The following ANKRD13B variants were observed in gnomAD, a reference collection of about 807,000 sequenced individuals.
ANKRD13B encodes ankyrin repeat domain 13B, also known as ankyrin repeat domain-containing protein 13B.
In ANKRD13B, 33 loss-of-function variants were observed where a neutral mutation model predicts 74.4. The observed-to-expected ratio is 0.44, with a 90% confidence interval of 0.34 to 0.59. The LOEUF is 0.59. Ranked by LOEUF, ANKRD13B falls within the 20% of genes least tolerant of loss-of-function variation. The probability of loss-of-function intolerance (pLI) is 0.02; values close to 1 mark genes in which losing one functional copy is unlikely to be tolerated. For synonymous variants in ANKRD13B, 341 were observed against 362.9 expected, an observed-to-expected ratio of 0.94 and a Z score of 0.68; for missense variants, 676 against 877.9, an observed-to-expected ratio of 0.77 and a Z score of 2.91.
chr17:29,608,744 C>T lies in ANKRD13B; in HGVS notation c.422-107C>T, dbSNP rs2034476631. The T allele has an allele frequency of 1.4e-6, 2 of 1,449,274 alleles. No homozygotes were observed. The highest frequency in any genetic ancestry group is 2.8e-5 in the African/African-American group (2 of 70,778). The allele number at this position is 1,449,274 out of a possible 1,614,324, so 89.8% of individuals were successfully genotyped here. A position where few individuals can be genotyped will look rare whatever the true frequency, so the allele number is the denominator to read the frequency against. ...AGGAGAGGCTGCTCTCTCTTCAGTT[C>T]CCTCCCCTGTTCCTGGCCACACGGA... On this transcript the variant is annotated intron_variant, in intron 4 of 14. Coordinates refer to ENST00000394859, the MANE Select transcript of ANKRD13B (RefSeq NM_152345.5). This position sits in a 1 kb window ranked among gnomAD's most constrained non-coding sequence, Gnocchi z 6.4.
At chr17:29,613,064 T>G in intron 14 of ANKRD13B, 101 bp downstream of exon 14, 1 of 1,449,598 alleles carries the variant, frequency 6.9e-7, no homozygotes, top group Non-Finnish European at 9.3e-7. Flanking sequence ...GCAGGGACCC[T>G]CCTGGTATCG....
chr17:29,596,107 C>T (rs113644003), intron 1 of ANKRD13B, among the ~76,000 whole-genome samples: 6 of 152,376 alleles, frequency 3.9e-5, no homozygotes, highest in African/African-American at 1.2e-4. Flanking sequence ...AGCCAGGTTT[C>T]CCTGGTCTTG....
intron 7 of ANKRD13B, 123 bp from the exon 8 acceptor site, chr17:29,610,562 C>T: frequency 1.5e-6 from 1 of 674,092 alleles, no homozygotes; most frequent in Non-Finnish European, 2.4e-6. Flanking sequence ...TTCACTTACC[C>T]AAAAGCCTGA....
Position 29,613,523 on chromosome 17 carries a change from G to A in ANKRD13B, c.1822G>A (p.Ala608Thr), listed in dbSNP as rs2034687922. 6.6e-7 allele frequency: 1 copy of A among 1,525,180 alleles called. No individual in the cohort carries two copies. Among genetic ancestry groups the A allele is most frequent in the African/African-American group, 1.4e-5 (1 of 70,454 alleles). The allele number at this position is 1,525,180 out of a possible 1,614,324, so 94.5% of individuals were successfully genotyped here. The change falls in exon 15 of 15, where the codon GCG (alanine) becomes ACG (threonine). Residue 608 changes from alanine (A) to threonine (T), a missense_variant. Around this residue, in one of 4 missense-constraint regions of ANKRD13B, gnomAD observed 108 missense variants for 90.3 expected, o/e 1.20. Coordinates refer to ENST00000394859, the MANE Select transcript of ANKRD13B (RefSeq NM_152345.5). ...GGAGCAGGAGGAGAGGCGGCGGCGC[G>A]CGCGCCAGGAGGAGGAGGAGCTGGA... ...AQEQEERRRR[A>T]RQEEEELERI...
chr17:29,598,440 T>C (rs2034036314), intron 1 of ANKRD13B, among the ~76,000 whole-genome samples: 1 of 151,982 alleles, frequency 6.6e-6, no homozygotes, highest in Admixed American at 6.5e-5. Flanking sequence ...CTTTTGTCAT[T>C]TACCTCCCTA....
intron 14 of ANKRD13B, 48 bp downstream of exon 14, chr17:29,613,011 T>TCC: frequency 6.4e-7 from 1 of 1,570,086 alleles, no homozygotes; most frequent in Middle Eastern, 1.7e-4. Context: ...GGATCCTGTC[T>TCC]CCCCTAAGCC....
At position 29,612,326 on chromosome 17, in the gene ANKRD13B, A is replaced by C. The variant is rs1267536364; in HGVS notation, c.1258+53A>C. The C allele has an allele frequency of 6.2e-6, 10 of 1,612,116 alleles. No homozygotes were observed. The highest frequency in any genetic ancestry group is 4.2e-6 in the Non-Finnish European group (5 of 1,178,682). ...GCCCGTGGCGGGCCGACCGGGGTTTAGATGAGGTCGGGGTGGGGCTGAGGC... is the reference window on the plus strand; with the variant it reads ...GCCCGTGGCGGGCCGACCGGGGTTTCGATGAGGTCGGGGTGGGGCTGAGGC... On this transcript the variant is annotated intron_variant, in intron 11 of 14. Coordinates refer to ENST00000394859, the MANE Select transcript of ANKRD13B (RefSeq NM_152345.5). This position sits in a 1 kb window ranked among gnomAD's most constrained non-coding sequence, Gnocchi z 6.1.
chr17:29,613,900 T>A lies in ANKRD13B; in HGVS notation c.*318T>A. The A allele has an allele frequency of 2.8e-6, 1 of 353,286 alleles. No individual in the cohort carries two copies. Among genetic ancestry groups the A allele is most frequent in the Non-Finnish European group, 5.1e-6 (1 of 195,154 alleles). The allele number at this position is 353,286 out of a possible 1,614,324, so 21.9% of individuals were successfully genotyped here. A position where few individuals can be genotyped will look rare whatever the true frequency, so the allele number is the denominator to read the frequency against. On this transcript the variant is annotated 3_prime_UTR_variant, in exon 15 of 15. Coordinates refer to ENST00000394859, the MANE Select transcript of ANKRD13B (RefSeq NM_152345.5). The stretch of plus-strand genomic sequence containing the variant: ...CAGGCGGTCCTGAGGGGGAGATGAA[T>A]CCTTAGAGGAGCGCTGTCCCTATCC...
rs1357315871 is a variant in ANKRD13B at position 29,612,755 on chromosome 17, C to G, written c.1515C>G (p.Asp505Glu). 2.5e-6 allele frequency: 4 copies of G among 1,602,696 alleles called. No individual in the cohort carries two copies. The highest frequency in any genetic ancestry group is 1.3e-5 in the African/African-American group (1 of 75,004). The part of the protein sequence containing the change: ...QREAATRDDD[D>E]DLLQFAIQQS... ...AGGCGGCGACCCGGGACGACGACGA[C>G]GACCTGCTGCAATTCGCCATCCAGC... Residue 505 changes from aspartate (D) to glutamate (E), a missense_variant, in exon 13 of 15, where the codon GAC becomes GAG. Transcript: ENST00000394859. This position sits in a 1 kb window ranked among gnomAD's most constrained non-coding sequence, Gnocchi z 6.1.
chr17:29,612,616 G>A lies in ANKRD13B; in HGVS notation c.1412-36G>A. On this transcript the variant is annotated intron_variant, in intron 12 of 14. Coordinates refer to ENST00000394859, the MANE Select transcript of ANKRD13B (RefSeq NM_152345.5). This position sits in a 1 kb window ranked among gnomAD's most constrained non-coding sequence, Gnocchi z 6.1. ...TCCCCGGGGTGGGTGGGAGGGGCGC[G>A]CCCGGCCGTGCCTGACCCAGCCCCC... The A allele has an allele frequency of 1.3e-6, 2 of 1,515,802 alleles. No individual in the cohort carries two copies. The highest frequency in any genetic ancestry group is 1.8e-6 in the Non-Finnish European group (2 of 1,134,538). The allele number at this position is 1,515,802 out of a possible 1,614,324, so 93.9% of individuals were successfully genotyped here. A position where few individuals can be genotyped will look rare whatever the true frequency, so the allele number is the denominator to read the frequency against.
At chr17:29,593,798 A>AG in intron 1 of ANKRD13B, 63 bp downstream of exon 1, 1 of 1,021,630 alleles carries the variant, frequency 9.8e-7, no homozygotes, top group Non-Finnish European at 1.3e-6. Context: ...CGGCCTGGGG[A>AG]GGGGGTGCGG....
rs943157876 is a variant in ANKRD13B, at chr17:29,613,802, C to T, written c.*220C>T. ...TGGAGGCAACTGGCACGGCCTGGTC[C>T]CCCTGCTTTGCTGTATTCTGATTCC... On this transcript the variant is annotated 3_prime_UTR_variant, in exon 15 of 15. Transcript: ENST00000394859. 11 of 665,618 alleles carry T rather than the reference C, an allele frequency of 1.7e-5. No individual in the cohort carries two copies. In the African/African-American group the frequency reaches 1.9e-4, roughly 12 times the overall value. 41.2% of individuals were successfully genotyped at this position (665,618 alleles called of 1,614,324 possible). A position where few individuals can be genotyped will look rare whatever the true frequency, so the allele number is the denominator to read the frequency against.
chr17:29,608,186 G>A lies in ANKRD13B; in HGVS notation c.376-9G>A, dbSNP rs191886582. Reference sequence around the variant, plus strand: ...TGCAGACTTAGCCTCTCTCCCCTTCGTCCTCCAGGCCCAGGACTTCTACGT... The same window carrying A: ...TGCAGACTTAGCCTCTCTCCCCTTCATCCTCCAGGCCCAGGACTTCTACGT... On this transcript the variant is annotated splice_polypyrimidine_tract_variant and intron_variant, in intron 3 of 14. Transcript: ENST00000394859. This position sits in a 1 kb window ranked among gnomAD's most constrained non-coding sequence, Gnocchi z 6.4. 2.1e-4 allele frequency: 342 copies of A among 1,614,124 alleles called. No homozygotes were observed. Among genetic ancestry groups the A allele is most frequent in the Admixed American group, 1.4e-3 (82 of 60,018 alleles).
rs991631564 is a variant in ANKRD13B, at chr17:29,613,698, C to T, written c.*116C>T. 1.5e-6 allele frequency: 2 copies of T among 1,357,930 alleles called. No homozygotes were observed. Among genetic ancestry groups the T allele is most frequent in the African/African-American group, 3.1e-5 (2 of 64,826 alleles). The allele number at this position is 1,357,930 out of a possible 1,614,324, so 84.1% of individuals were successfully genotyped here. On this transcript the variant is annotated 3_prime_UTR_variant, in exon 15 of 15. Transcript: ENST00000394859. ...CGGCTGGAGACTGGAGCCACCGCCT[C>T]GCGGGTGCAGCAGCACAGCAGGCAC...
rs777891112 is a variant in ANKRD13B, at chr17:29,609,430, G to T, written c.822+9G>T. On this transcript the variant is annotated intron_variant, in intron 7 of 14. Transcript: ENST00000394859. The surrounding 1 kb of genome is among the most constrained non-coding windows in gnomAD (Gnocchi z 4.0). ...ATGGGTATGAAGCTAAGGTGAGGCT[G>T]CAGCTCCCAGCTGCCAGCCCAGCTG... 6.2e-7 allele frequency: 1 copy of T among 1,612,856 alleles called. No individual in the cohort carries two copies. The highest frequency in any genetic ancestry group is 1.7e-5 in the Admixed American group (1 of 60,010).
intron 1 of ANKRD13B, among the ~76,000 whole-genome samples, chr17:29,600,285 T>C (rs1692233087): frequency 6.6e-6 from 1 of 151,924 alleles, no homozygotes; most frequent in Non-Finnish European, 1.5e-5. Flanking sequence ...GCTGGGGAGC[T>C]CAGGGATGTG....
intron 1 of ANKRD13B, among the ~76,000 whole-genome samples, chr17:29,600,583 G>A (rs1010016821): frequency 6.6e-6 from 1 of 152,202 alleles, no homozygotes; most frequent in Admixed American, 6.5e-5. Flanking sequence ...GTCCTGTGGT[G>A]AGGAAGGGGG....
intron 7 of ANKRD13B, among the ~76,000 whole-genome samples, chr17:29,610,417 A>C (rs140421720): frequency 1.3e-3 from 198 of 152,300 alleles, no homozygotes; most frequent in African/African-American, 4.6e-3. Context: ...TGTAAGTCTC[A>C]GGAGGGCAGG....
rs1432155039 is a variant in ANKRD13B, at chr17:29,608,035, G to C, written c.300G>C (p.Val100=). The C allele has an allele frequency of 6.2e-7, 1 of 1,612,644 alleles. No homozygotes were observed. The highest frequency in any genetic ancestry group is 1.7e-5 in the Admixed American group (1 of 59,652). The change falls in exon 3 of 15, where the codon GTG becomes GTC. Residue 100 remains valine (V), a synonymous_variant. Transcript: ENST00000394859. This position sits in a 1 kb window ranked among gnomAD's most constrained non-coding sequence, Gnocchi z 6.4. ...STRDLELVQL[V]LRYRDYQRVV... is the part of the protein sequence containing the mutation. Reference sequence around the variant, plus strand: ...GGGACCTGGAGCTGGTGCAGCTGGTGCTTCGGTACCGGGACTACCAGCGGG... The same window carrying C: ...GGGACCTGGAGCTGGTGCAGCTGGTCCTTCGGTACCGGGACTACCAGCGGG...
Sources: allele counts gnomAD v4.1 joint callset (sites outside exome capture counted in the v4.1 genomes callset), GRCh38; gene constraint gnomAD v4.1.1; regional missense constraint gnomAD v4.1.1; non-coding constraint Gnocchi (gnomAD v3.1); transcripts MANE v1.5; gene names NCBI Gene and HGNC (gene_info 2026-07-23, HGNC 2026-07-21).